The following HYCC2 variants were observed in gnomAD, a reference collection of about 807,000 sequenced individuals.
HYCC2 encodes the protein hyccin PI4KA lipid kinase complex subunit 2, also known as hyccin 2.
the HYCC2 span, among the ~76,000 whole-genome samples, chr2:201,060,758 T>C: frequency 5.3e-5 from 8 of 152,316 alleles, no homozygotes; most frequent in South Asian, 2.1e-4. Context: ...AGCAACAAAT[T>C]TGTATTCTAA....
the HYCC2 span, among the ~76,000 whole-genome samples, chr2:201,069,119 A>C: frequency 1.3e-5 from 2 of 152,178 alleles, no homozygotes; most frequent in Non-Finnish European, 2.9e-5. Context: ...TTTCTATAAG[A>C]CTCAGTCAAG....
At chr2:201,030,837 C>T in the HYCC2 span, among the ~76,000 whole-genome samples, 1 of 152,106 alleles carries the variant, frequency 6.6e-6, no homozygotes, top group African/African-American at 2.4e-5. Flanking sequence ...CGTTGGCCTC[C>T]TAAAGTGCTG....
chr2:201,023,556 C>A, the HYCC2 span: 381 of 154,556 alleles, frequency 2.5e-3, 3 homozygotes, highest in African/African-American at 8.8e-3. Context: ...TTTGCCAAAA[C>A]ATTTACAATT....
chr2:201,020,311 G>C, the HYCC2 span, among the ~76,000 whole-genome samples: 2 of 152,106 alleles, frequency 1.3e-5, no homozygotes, highest in African/African-American at 2.4e-5. Context: ...TAATTACTAA[G>C]AGACATGATA....
the HYCC2 span, among the ~76,000 whole-genome samples, chr2:201,055,323 G>A: frequency 2.7e-5 from 4 of 150,792 alleles, no homozygotes; most frequent in South Asian, 2.1e-4. Context: ...TAAAACTCAC[G>A]GTGAGCCGAG....
the HYCC2 span, among the ~76,000 whole-genome samples, chr2:201,002,539 T>C: frequency 6.7e-3 from 1,025 of 152,046 alleles, 8 homozygotes; most frequent in Non-Finnish European, 0.01. Flanking sequence ...CTTTTTTTTT[T>C]TTTTGAGATG....
chr2:201,010,692 G>A, the HYCC2 span, among the ~76,000 whole-genome samples: 1 of 151,528 alleles, frequency 6.6e-6, no homozygotes, highest in Non-Finnish European at 1.5e-5. Context: ...GAATAATAAA[G>A]AATAACAAAA....
At chr2:200,999,012 G>A in the HYCC2 span, among the ~76,000 whole-genome samples, 1 of 152,160 alleles carries the variant, frequency 6.6e-6, no homozygotes, top group African/African-American at 2.4e-5. Flanking sequence ...CTACCTGGGA[G>A]CCCTAGCTGT....
At chr2:200,976,045 T>A in the HYCC2 span, 1 of 152,136 alleles carries the variant, frequency 6.6e-6, no homozygotes, top group Non-Finnish European at 1.5e-5. Context: ...CTGCATTCCA[T>A]CTGCTTATAA....
chr2:200,981,821 C>T, the HYCC2 span: 1 of 1,614,074 alleles, frequency 6.2e-7, no homozygotes, highest in Non-Finnish European at 8.5e-7. The surrounding 1 kb of genome is among the most constrained non-coding windows in gnomAD (Gnocchi z 4.5). Context: ...AATCCTTCAT[C>T]TGCATCATTC....
chr2:200,979,614 TAGG>T, the HYCC2 span: 3 of 152,634 alleles, frequency 2.0e-5, no homozygotes, highest in African/African-American at 2.4e-5. Context: ...TTTTGCTAAT[TAGG>T]AGAATACTTG....
At chr2:201,063,553 C>T in the HYCC2 span, 1 of 1,586,682 alleles carries the variant, frequency 6.3e-7, no homozygotes, top group South Asian at 1.1e-5. Context: ...CCTTTGATGA[C>T]CATGACTCCG....
At chr2:200,993,918 C>T in the HYCC2 span, among the ~76,000 whole-genome samples, 1 of 151,540 alleles carries the variant, frequency 6.6e-6, no homozygotes, top group East Asian at 1.9e-4. Context: ...TGCAGTGAGC[C>T]GAGATCACGC....
At chr2:201,037,428 T>G in the HYCC2 span, among the ~76,000 whole-genome samples, 2 of 152,112 alleles carry the variant, frequency 1.3e-5, no homozygotes, top group African/African-American at 4.8e-5. Flanking sequence ...GAGCCCGCAT[T>G]GCCAAGTCAA....
chr2:200,991,179 C>T, the HYCC2 span, among the ~76,000 whole-genome samples: 2 of 152,112 alleles, frequency 1.3e-5, no homozygotes, highest in Non-Finnish European at 2.9e-5. Context: ...CTTTTAAAAA[C>T]GTGATGGAGG....
chr2:200,977,708 A>C, the HYCC2 span: 2 of 152,226 alleles, frequency 1.3e-5, no homozygotes, highest in East Asian at 3.9e-4. Flanking sequence ...AAAATTAGCC[A>C]GGTGTGGTGG....
chr2:201,037,251 A>C, the HYCC2 span, among the ~76,000 whole-genome samples: 7,888 of 152,240 alleles, frequency 0.052, 473 homozygotes, highest in African/African-American at 0.14. Flanking sequence ...AGGGCATAAA[A>C]AAATGGAAGA....
At chr2:201,069,789 T>C in the HYCC2 span, among the ~76,000 whole-genome samples, 1 of 152,172 alleles carries the variant, frequency 6.6e-6, no homozygotes, top group Non-Finnish European at 1.5e-5. Flanking sequence ...GACAAATGTC[T>C]CAGTACTGAG....
chr2:201,009,909 C>T, the HYCC2 span, among the ~76,000 whole-genome samples: 7 of 151,880 alleles, frequency 4.6e-5, no homozygotes, highest in Admixed American at 1.3e-4. Flanking sequence ...CAAGACCATC[C>T]TGGCTAACAC....
Sources: gnomAD v4.1 joint callset for allele counts (sites outside exome capture counted in the v4.1 genomes callset) on GRCh38, gnomAD v4.1.1 for gene constraint, Gnocchi (gnomAD v3.1) non-coding constraint, MANE v1.5 for transcripts, NCBI Gene and HGNC (gene_info 2026-07-23, HGNC 2026-07-21) for gene names.